TEK: variants seen among roughly 807,000 people sequenced by gnomAD.
The protein encoded by TEK is angiopoietin-1 receptor.
A neutral mutation model predicts 131.8 loss-of-function variants in TEK; 43 were observed. The ratio of observed to expected loss-of-function variants is 0.33; its 90% confidence interval spans 0.26 to 0.42. The LOEUF (loss-of-function observed/expected upper bound fraction) is 0.42, where lower values mean the gene tolerates loss of function less well. Ranked by LOEUF, TEK falls within the 10% of genes least tolerant of loss-of-function variation. The probability of loss-of-function intolerance (pLI) is 1.00; values close to 1 mark genes in which losing one functional copy is unlikely to be tolerated. For synonymous variants in TEK, 580 were observed against 491.6 expected (o/e 1.18, Z -2.38); for missense variants, 1,162 against 1,384.4 (o/e 0.84, Z 2.55).
intron 1 of TEK, among the ~76,000 whole-genome samples, chr9:27,134,429 G>C (rs939683904): frequency 6.6e-6 from 1 of 152,082 alleles, no homozygotes; most frequent in Non-Finnish European, 1.5e-5. Flanking sequence ...CCAAGTTTTC[G>C]TTTCAATCAC....
intron 1 of TEK, among the ~76,000 whole-genome samples, chr9:27,146,215 T>C (rs887696986): frequency 6.6e-6 from 1 of 152,216 alleles, no homozygotes; most frequent in Non-Finnish European, 1.5e-5. Context: ...GCAATGAATA[T>C]CCTTGCCATA....
At chr9:27,217,952 C>T (rs918195026) in intron 19 of TEK, among the ~76,000 whole-genome samples, 194 bp downstream of exon 19, 4 of 152,078 alleles carry the variant, frequency 2.6e-5, no homozygotes, top group East Asian at 1.9e-4. Context: ...TCACTTGTGG[C>T]AGGTTTTGGG....
At chr9:27,212,930 T>A in intron 17 of TEK, 33 bp downstream of exon 17, 3 of 1,607,532 alleles carry the variant, frequency 1.9e-6, no homozygotes, top group Non-Finnish European at 2.5e-6. Flanking sequence ...TGGATATCTT[T>A]CCTGTGGAGT....
intron 1 of TEK, among the ~76,000 whole-genome samples, chr9:27,146,718 C>CTTTTTT (rs1423361120): frequency 1.5e-4 from 20 of 129,716 alleles, no homozygotes; most frequent in African/African-American, 5.9e-4. Context: ...TATAAACATT[C>CTTTTTT]TATTTTTTTT....
At chr9:27,168,404 C>T (rs966225842) in intron 2 of TEK, 91 bp from the exon 3 acceptor site, 6 of 965,602 alleles carry the variant, frequency 6.2e-6, no homozygotes, top group African/African-American at 1.6e-5. Flanking sequence ...CTAGCAAGTG[C>T]CAGCCCTCAT....
At chr9:27,148,351 G>T (rs1396483544) in intron 1 of TEK, among the ~76,000 whole-genome samples, 1 of 152,238 alleles carries the variant, frequency 6.6e-6, no homozygotes, top group African/African-American at 2.4e-5. Flanking sequence ...CATGTTGTGA[G>T]TATATCAGCT....
chr9:27,187,539 A>G (rs1824644229), intron 9 of TEK, among the ~76,000 whole-genome samples: 1 of 152,166 alleles, frequency 6.6e-6, no homozygotes, highest in Non-Finnish European at 1.5e-5. Context: ...CCAAACTGAA[A>G]TTAACTCAAA....
intron 1 of TEK, among the ~76,000 whole-genome samples, chr9:27,151,997 C>A (rs1823143457): frequency 6.6e-6 from 1 of 152,174 alleles, no homozygotes; most frequent in Non-Finnish European, 1.5e-5. Flanking sequence ...TTGACTCAGA[C>A]CTTTTCAGTT....
chr9:27,167,081 T>C (rs1312658996), intron 2 of TEK, among the ~76,000 whole-genome samples: 1 of 152,226 alleles, frequency 6.6e-6, no homozygotes, highest in African/African-American at 2.4e-5. Flanking sequence ...GATTATGATA[T>C]AAGTTAAGGG....
intron 1 of TEK, among the ~76,000 whole-genome samples, chr9:27,147,754 A>T (rs7867315): frequency 0.056 from 8,459 of 152,230 alleles, 790 homozygotes; most frequent in African/African-American, 0.19. Context: ...GAATTTTTGT[A>T]TACATGGGTG....
intron 1 of TEK, among the ~76,000 whole-genome samples, chr9:27,152,119 A>G (rs1423469030): frequency 6.6e-6 from 1 of 152,258 alleles, no homozygotes; most frequent in Non-Finnish European, 1.5e-5. Context: ...TGAAATTACC[A>G]TGAACACCTT....
intron 1 of TEK, among the ~76,000 whole-genome samples, chr9:27,117,938 C>T (rs1055338288): frequency 8.5e-5 from 13 of 152,124 alleles, no homozygotes; most frequent in Non-Finnish European, 1.5e-4. Flanking sequence ...ATACAATAGG[C>T]GGAGTCAGGA....
At chr9:27,220,240 T>C (rs906034692) in intron 21 of TEK, 95 bp downstream of exon 21, 15 of 1,135,906 alleles carry the variant, frequency 1.3e-5, no homozygotes, top group African/African-American at 1.2e-4. Context: ...CGGTATACAC[T>C]ATACACAAAC....
At chr9:27,164,266 G>C (rs12375488) in intron 2 of TEK, among the ~76,000 whole-genome samples, 1 of 151,548 alleles carries the variant, frequency 6.6e-6, no homozygotes, top group Non-Finnish European at 1.5e-5. Flanking sequence ...TTTTTATTTA[G>C]TTGGAGTCTC....
At chr9:27,132,859 A>AAG (rs1406351242) in intron 1 of TEK, among the ~76,000 whole-genome samples, 4 of 152,198 alleles carry the variant, frequency 2.6e-5, no homozygotes, top group Non-Finnish European at 4.4e-5. Flanking sequence ...GGGAGGTAGA[A>AAG]AGAGAGAGAG....
intron 1 of TEK, among the ~76,000 whole-genome samples, chr9:27,138,185 A>G (rs1289883386): frequency 6.6e-6 from 1 of 152,234 alleles, no homozygotes; most frequent in African/African-American, 2.4e-5. Flanking sequence ...AGCAAGATTT[A>G]TTGTGAAGAG....
chr9:27,208,396 AT>A (rs1208316415), intron 15 of TEK, among the ~76,000 whole-genome samples: 1 of 151,866 alleles, frequency 6.6e-6, no homozygotes, highest in African/African-American at 2.4e-5. Flanking sequence ...CTCAAGACTG[AT>A]CAGTTTATGC....
At chr9:27,136,792 A>G (rs1349656750) in intron 1 of TEK, among the ~76,000 whole-genome samples, 1 of 152,066 alleles carries the variant, frequency 6.6e-6, no homozygotes, top group Admixed American at 6.6e-5. Flanking sequence ...CTTTTGTGCC[A>G]TCCATTGGAA....
intron 2 of TEK, among the ~76,000 whole-genome samples, chr9:27,160,373 T>C (rs1382115581): frequency 2.0e-5 from 3 of 152,220 alleles, no homozygotes; most frequent in Admixed American, 6.5e-5. Context: ...ACATTGCTGA[T>C]TGGCTGTTTC....
Sources: allele counts gnomAD v4.1 joint callset (sites outside exome capture counted in the v4.1 genomes callset), GRCh38; gene constraint gnomAD v4.1.1; transcripts MANE v1.5; gene names NCBI Gene and HGNC (gene_info 2026-07-23, HGNC 2026-07-21).